The following LAMC1 variants were observed in gnomAD, a reference collection of about 807,000 sequenced individuals.
LAMC1 encodes the protein laminin subunit gamma-1.
A neutral mutation model predicts 173.6 loss-of-function variants in LAMC1; 38 were observed. That is an observed-to-expected ratio of 0.22 (90% CI 0.17 to 0.29). The LOEUF is 0.29. Ranked by LOEUF, LAMC1 falls within the 10% of genes least tolerant of loss-of-function variation. The probability of loss-of-function intolerance (pLI) is 1.00; values close to 1 mark genes in which losing one functional copy is unlikely to be tolerated. For synonymous variants in LAMC1, 746 were observed against 749.1 expected (o/e 1.00, Z 0.07); for missense variants, 1,824 against 2,051.8 (o/e 0.89, Z 2.14).
chr1:183,047,532 A>C (rs561239892), intron 1 of LAMC1, among the ~76,000 whole-genome samples: 1 of 152,344 alleles, frequency 6.6e-6, no homozygotes, highest in South Asian at 2.1e-4. Flanking sequence ...AAAGACTTGG[A>C]ACAAAGAGTG....
chr1:183,074,653 C>CT (rs1181457664), intron 1 of LAMC1, among the ~76,000 whole-genome samples: 13 of 152,134 alleles, frequency 8.5e-5, no homozygotes, highest in African/African-American at 3.1e-4. Flanking sequence ...AGAGCTAGAC[C>CT]TTTTCTCTTT....
intron 1 of LAMC1, among the ~76,000 whole-genome samples, chr1:183,067,026 T>A (rs1166460923): frequency 6.6e-6 from 1 of 152,204 alleles, no homozygotes; most frequent in Non-Finnish European, 1.5e-5. Flanking sequence ...TTTGGTTTAT[T>A]GTGTTTTAGT....
At chr1:183,050,430 C>T (rs1471458393) in intron 1 of LAMC1, among the ~76,000 whole-genome samples, 3 of 150,318 alleles carry the variant, frequency 2.0e-5, no homozygotes, top group African/African-American at 4.9e-5. Flanking sequence ...TACAGGCACC[C>T]GCTACCATGC....
chr1:183,113,295 A>G (rs1238278026), intron 4 of LAMC1, among the ~76,000 whole-genome samples: 1 of 152,154 alleles, frequency 6.6e-6, no homozygotes, highest in African/African-American at 2.4e-5. Flanking sequence ...CCAGAGTGAG[A>G]CCCTGTCTCC....
chr1:183,054,237 T>G (rs1342602051), intron 1 of LAMC1, among the ~76,000 whole-genome samples: 2 of 152,190 alleles, frequency 1.3e-5, no homozygotes, highest in Non-Finnish European at 2.9e-5. Context: ...TTAGATTAAT[T>G]TAATCCTCAG....
chr1:183,106,670 A>G (rs1369585236), intron 2 of LAMC1, among the ~76,000 whole-genome samples: 1 of 152,222 alleles, frequency 6.6e-6, no homozygotes, highest in Non-Finnish European at 1.5e-5. Context: ...TATATGTAAT[A>G]CACCACCCCA....
intron 1 of LAMC1, among the ~76,000 whole-genome samples, chr1:183,084,523 A>T (rs1655375879): frequency 6.6e-6 from 1 of 152,228 alleles, no homozygotes; most frequent in Non-Finnish European, 1.5e-5. Flanking sequence ...AACTTGTATT[A>T]TCTGAAGTCA....
At chr1:183,097,121 G>A (rs1655715480) in intron 1 of LAMC1, among the ~76,000 whole-genome samples, 1 of 152,168 alleles carries the variant, frequency 6.6e-6, no homozygotes, top group African/African-American at 2.4e-5. Context: ...CAGCTGGTTT[G>A]CAGCTGGATA....
intron 1 of LAMC1, among the ~76,000 whole-genome samples, chr1:183,090,191 A>G (rs568890309): frequency 1.7e-4 from 26 of 152,292 alleles, no homozygotes; most frequent in African/African-American, 5.5e-4. Context: ...ATAAAAGCCA[A>G]TTAAGACCTT....
rs1032382797 is a variant in LAMC1, at chr1:183,143,646, A to C, written c.*856A>C. The C allele has an allele frequency of 6.6e-6, 1 of 152,382 alleles. No homozygotes were observed. The highest frequency in any genetic ancestry group is 1.5e-5 in the Non-Finnish European group (1 of 68,038). The allele number at this position is 152,382 out of a possible 1,614,324, so 9.4% of individuals were successfully genotyped here. On this transcript the variant is annotated 3_prime_UTR_variant, in exon 28 of 28. Transcript: ENST00000258341. ...CCACTAAAATTTTGTTTTCAAAATC[A>C]AACTAATTCTTACAGCTTTTTTATT...
intron 1 of LAMC1, among the ~76,000 whole-genome samples, chr1:183,038,210 A>G (rs1472150867): frequency 2.0e-5 from 3 of 151,730 alleles, no homozygotes; most frequent in Non-Finnish European, 4.4e-5. Context: ...TAATTTTTGT[A>G]TTTTTAATAA....
At chr1:183,034,310 G>A (rs530077742) in intron 1 of LAMC1, among the ~76,000 whole-genome samples, 1 of 152,190 alleles carries the variant, frequency 6.6e-6, no homozygotes, top group Admixed American at 6.5e-5. Context: ...TCACTCTGTT[G>A]CCCAGGCTGG....
intron 8 of LAMC1, 134 bp downstream of exon 8, chr1:183,117,037 T>G (rs551478965): frequency 1.2e-5 from 11 of 944,554 alleles, no homozygotes; most frequent in African/African-American, 1.7e-5. Context: ...CATGCATAGT[T>G]TTTGTAGTTT....
intron 26 of LAMC1, among the ~76,000 whole-genome samples, chr1:183,139,393 G>T (rs1657042054): frequency 6.6e-6 from 1 of 152,174 alleles, no homozygotes; most frequent in East Asian, 1.9e-4. Flanking sequence ...TCTTTTGGAA[G>T]AGGAGGCTGG....
intron 27 of LAMC1, 70 bp downstream of exon 27, chr1:183,140,573 A>G: frequency 1.1e-6 from 1 of 877,634 alleles, no homozygotes; most frequent in Non-Finnish European, 1.8e-6. Flanking sequence ...CTGATATAGT[A>G]CAGTTGACTC....
rs142883085 is a variant in LAMC1, at chr1:183,130,367, C to T, written c.3304C>T (p.Arg1102Cys). 299 of 1,613,912 alleles carry T rather than the reference C, an allele frequency of 1.9e-4. 1 individual carries two copies. Among genetic ancestry groups the T allele is most frequent in the Non-Finnish European group, 2.5e-4 (291 of 1,179,898 alleles). The change falls in exon 19 of 28, where the codon CGC becomes TGC. Residue 1102 changes from arginine to cysteine, a missense_variant. By Grantham distance (180) the Arg-to-Cys change is radical. Transcript: ENST00000258341. ...AGATGTTGACCAGAATTTGATGGAT[C>T]GCCTACAGAGAGTGAATAACACTCT... ...VKDVDQNLMD[R>C]LQRVNNTLSS...
intron 5 of LAMC1, 107 bp from the exon 6 acceptor site, chr1:183,115,413 G>A: frequency 1.3e-6 from 1 of 763,824 alleles, no homozygotes; most frequent in Admixed American, 2.0e-5. Context: ...ATTGCATACT[G>A]GTTCTCAGGC....
intron 13 of LAMC1, 32 bp downstream of exon 13, chr1:183,122,283 T>A: frequency 6.2e-7 from 1 of 1,600,526 alleles, no homozygotes; most frequent in South Asian, 1.1e-5. Context: ...GCTTTCAGTG[T>A]TCCCTTCTAT....
At chr1:183,125,665 T>G (rs953215416) in intron 15 of LAMC1, 115 bp downstream of exon 15, 2 of 767,984 alleles carry the variant, frequency 2.6e-6, no homozygotes, top group Non-Finnish European at 4.1e-6. Flanking sequence ...GCGCCTAATG[T>G]AGGCAAGGCA....
Sources: gnomAD v4.1 joint callset for allele counts (sites outside exome capture counted in the v4.1 genomes callset) on GRCh38, gnomAD v4.1.1 for gene constraint, MANE v1.5 for transcripts, NCBI Gene and HGNC (gene_info 2026-07-23, HGNC 2026-07-21) for gene names.